ACACB: variants seen among roughly 807,000 people sequenced by gnomAD.
ACACB encodes acetyl-CoA carboxylase 2.
Under a neutral mutation model 278.8 loss-of-function variants are expected in ACACB, and 209 were observed. The ratio of observed to expected loss-of-function variants is 0.75; its 90% confidence interval spans 0.67 to 0.84. The LOEUF (loss-of-function observed/expected upper bound fraction) is 0.84, where lower values mean the gene tolerates loss of function less well. Ranked by LOEUF, ACACB falls within the 40% of genes least tolerant of loss-of-function variation. The probability of loss-of-function intolerance (pLI) is 0.00; values close to 1 mark genes in which losing one functional copy is unlikely to be tolerated. For synonymous variants in ACACB, 1,174 were observed against 1,285.6 expected, an observed-to-expected ratio of 0.91 and a Z score of 1.86; for missense variants, 2,850 against 3,269.0, an observed-to-expected ratio of 0.87 and a Z score of 3.13.
At chr12:109,140,621 C>A (rs1167555185) in intron 2 of ACACB, among the ~76,000 whole-genome samples, 1 of 152,170 alleles carries the variant, frequency 6.6e-6, no homozygotes, top group East Asian at 1.9e-4. Flanking sequence ...CACGTCACTG[C>A]ACTCCAGCCT....
intron 1 of ACACB, among the ~76,000 whole-genome samples, chr12:109,130,869 C>T (rs887794026): frequency 4.6e-5 from 7 of 152,172 alleles, no homozygotes; most frequent in East Asian, 1.9e-4. Flanking sequence ...GCTGGCCATT[C>T]GTGCCCAGTA....
chr12:109,234,170 C>T lies in ACACB; in HGVS notation c.4347+125C>T, dbSNP rs908624967. 5.2e-6 allele frequency: 4 copies of T among 770,898 alleles called. No homozygotes were observed. In the African/African-American group the frequency reaches 6.9e-5, roughly 13 times the overall value. The allele number at this position is 770,898 out of a possible 1,614,324, so 47.8% of individuals were successfully genotyped here. ...CTTCAGAGCCACAGACCTGGCTTCC[C>T]ACTCTAGCTCTGCTCGCCTCATAGC... On this transcript the variant is annotated intron_variant, in intron 31 of 52. Coordinates refer to ENST00000338432, the MANE Select transcript of ACACB (RefSeq NM_001093.4).
At chr12:109,180,571 T>A (rs1421298530) in intron 11 of ACACB, among the ~76,000 whole-genome samples, 1 of 152,196 alleles carries the variant, frequency 6.6e-6, no homozygotes, top group African/African-American at 2.4e-5. Flanking sequence ...CTAAATTTTT[T>A]TTTTATTTTT....
chr12:109,210,375 G>A (rs1286230115), intron 21 of ACACB, among the ~76,000 whole-genome samples: 40 of 102,374 alleles, frequency 3.9e-4, no homozygotes, highest in Non-Finnish European at 4.8e-4. Context: ...GTATATACAC[G>A]CACACACATG....
chr12:109,177,369 A>G (rs766886740), intron 9 of ACACB, among the ~76,000 whole-genome samples: 4 of 152,176 alleles, frequency 2.6e-5, no homozygotes, highest in Non-Finnish European at 4.4e-5. Context: ...TTTCTTCTTA[A>G]TTATTTTCTT....
rs2047356804 is a variant in ACACB at position 109,260,710 on chromosome 12, G to A, written c.6674+53G>A. ...AGCCTTTTCTTGTTCTCCCAGCCTT[G>A]AGAGCCCATGACCTTGGGAGATCAT... On this transcript the variant is annotated intron_variant, in intron 48 of 52. Coordinates refer to ENST00000338432, the MANE Select transcript of ACACB (RefSeq NM_001093.4). 5 of 1,488,618 alleles carry A rather than the reference G, an allele frequency of 3.4e-6. No individual in the cohort carries two copies. The Admixed American group carries it at 7.2e-5, about 21-fold the overall frequency. The allele number at this position is 1,488,618 out of a possible 1,614,324, so 92.2% of individuals were successfully genotyped here. A position where few individuals can be genotyped will look rare whatever the true frequency, so the allele number is the denominator to read the frequency against.
chr12:109,203,783 C>T lies in ACACB; in HGVS notation c.2913+2082C>T, dbSNP rs112742985. Among the ~76,000 whole-genome samples, 964 of 152,254 alleles carry T rather than the reference C, an allele frequency of 6.3e-3. 5 individuals are homozygous for T. The highest frequency in any genetic ancestry group is 0.022 in the African/African-American group (899 of 41,544). On this transcript the variant is annotated intron_variant, in intron 19 of 52. Transcript: ENST00000338432. The stretch of plus-strand genomic sequence containing the variant: ...TTAATTTGTCAAGCTGTGTCATTAC[C>T]GATGAGTCCCTGAGGTCAAGGACTA...
intron 24 of ACACB, among the ~76,000 whole-genome samples, chr12:109,217,524 C>T (rs934488391): frequency 6.6e-6 from 1 of 151,980 alleles, no homozygotes; most frequent in African/African-American, 2.4e-5. Context: ...TAAAACTGGG[C>T]ACTGTGGCTC....
intron 2 of ACACB, among the ~76,000 whole-genome samples, chr12:109,163,622 A>T (rs922744658): frequency 2.0e-5 from 3 of 152,112 alleles, no homozygotes; most frequent in Non-Finnish European, 4.4e-5. Flanking sequence ...AGAGGCAAGG[A>T]CATCATCAAG....
chr12:109,257,145 G>A (rs1027756468), intron 45 of ACACB, among the ~76,000 whole-genome samples: 5 of 152,002 alleles, frequency 3.3e-5, no homozygotes, highest in Admixed American at 6.6e-5. Context: ...GTGGTGGCAG[G>A]CACCTGTAAT....
At chr12:109,252,530 T>G (rs1461644355) in intron 42 of ACACB, 1 of 176,716 alleles carries the variant, frequency 5.7e-6, no homozygotes, top group African/African-American at 2.4e-5. Context: ...AATATGCAGT[T>G]TTGTATTCTA....
Position 109,188,078 on chromosome 12 carries a change from C to G in ACACB, c.2060C>G (p.Ala687Gly). Residue 687 changes from alanine (A) to glycine (G), a missense_variant, in exon 13 of 53, where the codon GCC (alanine) becomes GGC (glycine). By Grantham distance (60) the Ala-to-Gly change is moderately conservative (BLOSUM62 0). Coordinates refer to ENST00000338432, the MANE Select transcript of ACACB (RefSeq NM_001093.4). ...SKNVWGYFSV[A>G]ATGGLHEFAD... ...AACGTGTGGGGTTACTTCAGCGTGG[C>G]CGCTACTGGAGGCCTGCACGAGTTT... 2.5e-6 allele frequency: 4 copies of G among 1,613,720 alleles called. No homozygotes were observed. Among genetic ancestry groups the G allele is most frequent in the Non-Finnish European group, 3.4e-6 (4 of 1,179,648 alleles).
Position 109,237,136 on chromosome 12 carries a change from T to C in ACACB, c.4447-29T>C, listed in dbSNP as rs751569767. ...CAACGTCACGCTGTGTGTGTATGTG[T>C]CTGTCTTCTCTCTCTGGTCCGCCTA... On this transcript the variant is annotated intron_variant, in intron 33 of 52. Transcript: ENST00000338432. The C allele has an allele frequency of 7.7e-5, 124 of 1,611,594 alleles. 1 individual carries two copies. In the South Asian group the frequency reaches 1.3e-3, roughly 17 times the overall value.
At chr12:109,241,394 G>A in intron 36 of ACACB, 113 bp downstream of exon 36, 1 of 1,083,984 alleles carries the variant, frequency 9.2e-7, no homozygotes, top group Non-Finnish European at 1.4e-6. Flanking sequence ...GCTCTCCCAT[G>A]TCATTCTGGG....
intron 11 of ACACB, among the ~76,000 whole-genome samples, chr12:109,181,285 T>C (rs1316080698): frequency 6.7e-6 from 1 of 149,988 alleles, no homozygotes; most frequent in Non-Finnish European, 1.5e-5. Flanking sequence ...TGGAGTGTAG[T>C]GGTGCAATCT....
chr12:109,179,188 CTG>C lies in ACACB; in HGVS notation c.1542_1543del (p.Leu516ValfsTer16), dbSNP rs779469957. ...ATCCTCGCTGACCAGTATGGGAATG[CTG>C]TGTCTCTGTTTGGTCGCGACTGCTC... On this transcript the variant is annotated frameshift_variant, in exon 10 of 53. Transcript: ENST00000338432. LOFTEE classifies it high-confidence loss of function. 6.2e-7 allele frequency: 1 copy of C among 1,614,132 alleles called. No individual in the cohort carries two copies. Among genetic ancestry groups the C allele is most frequent in the African/African-American group, 1.3e-5 (1 of 75,050 alleles).
intron 4 of ACACB, 102 bp downstream of exon 4, chr12:109,168,136 C>A: frequency 1.6e-6 from 2 of 1,275,400 alleles, no homozygotes; most frequent in South Asian, 1.5e-5. Flanking sequence ...TCCCGATGGT[C>A]AGGACCTCTC....
intron 48 of ACACB, among the ~76,000 whole-genome samples, chr12:109,262,082 G>T (rs2047393604): frequency 6.6e-6 from 1 of 151,970 alleles, no homozygotes; most frequent in East Asian, 1.9e-4. Context: ...CATGGAAAAA[G>T]TCGTACACTC....
intron 10 of ACACB, among the ~76,000 whole-genome samples, chr12:109,179,672 G>T (rs1009341979): frequency 5.9e-5 from 9 of 152,072 alleles, no homozygotes; most frequent in Non-Finnish European, 1.3e-4. Flanking sequence ...AAAAATTTTT[G>T]TAGAGACAGA....
Sources: gnomAD v4.1 joint callset for allele counts (sites outside exome capture counted in the v4.1 genomes callset) on GRCh38, gnomAD v4.1.1 for gene constraint, MANE v1.5 for transcripts, NCBI Gene and HGNC (gene_info 2026-07-23, HGNC 2026-07-21) for gene names.